Variants in GRAMD2A observed in about 807,000 individuals in gnomAD.
GRAMD2A encodes the protein GRAM domain containing 2A, also known as GRAM domain-containing protein 2A.
In GRAMD2A, 37 loss-of-function variants were observed where a neutral mutation model predicts 51.1. The observed-to-expected ratio is 0.72, with a 90% CI of 0.56 to 0.95. The LOEUF (loss-of-function observed/expected upper bound fraction) is 0.95. Ranked by LOEUF, GRAMD2A falls within the 40% of genes least tolerant of loss-of-function variation. GRAMD2A has a pLI of 0.00. For synonymous variants in GRAMD2A, 136 were observed against 157.1 expected, an observed-to-expected ratio of 0.87 and a Z score of 1.01; for missense variants, 414 against 426.9, an observed-to-expected ratio of 0.97 and a Z score of 0.27.
At chr15:72,181,113 G>A (rs1309227834) in intron 1 of GRAMD2A, among the ~76,000 whole-genome samples, 1 of 152,240 alleles carries the variant, frequency 6.6e-6, no homozygotes, top group Non-Finnish European at 1.5e-5. Flanking sequence ...GGCCAGAAGT[G>A]TGCAGCATGT....
chr15:72,183,795 A>G (rs533577415), intron 1 of GRAMD2A, among the ~76,000 whole-genome samples: 2 of 152,362 alleles, frequency 1.3e-5, no homozygotes, highest in East Asian at 3.9e-4. Context: ...AGGCCAAGTA[A>G]GAGCAGGACG....
intron 1 of GRAMD2A, among the ~76,000 whole-genome samples, chr15:72,179,476 G>T (rs117552985): frequency 0.017 from 2,558 of 152,350 alleles, 45 homozygotes; most frequent in Non-Finnish European, 0.026. Flanking sequence ...CCCGGAGACT[G>T]GCTCTAGAGC....
At position 72,170,034 on chromosome 15, in the gene GRAMD2A, C is replaced by A. The variant is rs561424947; in HGVS notation, c.42-95G>T. 4.6e-6 allele frequency: 4 copies of A among 871,582 alleles called. No homozygotes were observed. The highest frequency in any genetic ancestry group is 4.0e-6 in the Non-Finnish European group (2 of 504,566). The allele number at this position is 871,582 out of a possible 1,614,324, so 54.0% of individuals were successfully genotyped here. A position where few individuals can be genotyped will look rare whatever the true frequency, so the allele number is the denominator to read the frequency against. ...GCCCATGGCCGCTGCCTCTGGCCCC[C>A]ACCCAAGACTGGCCCTGATATTGAG... On this transcript the variant is annotated intron_variant, in intron 1 of 11. Transcript: ENST00000309731. This position sits in a 1 kb window ranked among gnomAD's most constrained non-coding sequence, Gnocchi z 4.5.
chr15:72,163,408 G>A lies in GRAMD2A; in HGVS notation c.814C>T (p.Pro272Ser). Residue 272 changes from proline to serine, a missense_variant, in exon 10 of 12, where the codon CCT (proline) becomes TCT (serine). Coordinates refer to ENST00000309731, the MANE Select transcript of GRAMD2A (RefSeq NM_001012642.3). ...RWAWPMPGWG[P>S]ACPKKMPNCS... ...TTCGGCATCTTCTTAGGGCAGGCAG[G>A]ACCCCAGCCTGGCATGGGCCATGCC... is the stretch of plus-strand genomic sequence containing the variant. 6.2e-7 allele frequency: 1 copy of A among 1,614,136 alleles called. No homozygotes were observed. Among genetic ancestry groups the A allele is most frequent in the Admixed American group, 1.7e-5 (1 of 60,022 alleles).
intron 1 of GRAMD2A, among the ~76,000 whole-genome samples, chr15:72,174,443 T>A (rs906025443): frequency 1.3e-5 from 2 of 152,208 alleles, no homozygotes; most frequent in Non-Finnish European, 2.9e-5. Context: ...CCTCCCGCTC[T>A]GTCCCATCCA....
chr15:72,177,606 T>A (rs1372313250), intron 1 of GRAMD2A, among the ~76,000 whole-genome samples: 1 of 152,262 alleles, frequency 6.6e-6, no homozygotes, highest in Non-Finnish European at 1.5e-5. Flanking sequence ...CAGTTTCCAG[T>A]TTTTGCCTCT....
Position 72,166,538 on chromosome 15 carries a change from T to G in GRAMD2A, c.543+94A>C. On this transcript the variant is annotated intron_variant, in intron 7 of 11. Coordinates refer to ENST00000309731, the MANE Select transcript of GRAMD2A (RefSeq NM_001012642.3). The surrounding 1 kb of genome is among the most constrained non-coding windows in gnomAD (Gnocchi z 4.1). ...CCTCTCCCTGCCCCATTCCCTGTGC[T>G]GGAGAGATGGGCGACCTCCCCCAAC... 2 of 880,078 alleles carry G rather than the reference T, an allele frequency of 2.3e-6. No individual in the cohort carries two copies. Among genetic ancestry groups the G allele is most frequent in the South Asian group, 1.3e-5 (1 of 75,706 alleles). 54.5% of individuals were successfully genotyped at this position (880,078 alleles called of 1,614,324 possible).
chr15:72,168,476 C>T lies in GRAMD2A; in HGVS notation c.268+15G>A, dbSNP rs375480731. ...ACTCTGGGTGCCTAACCAGCTATAC[C>T]GGGAGACAGCTCACCTTTGAGAACC... On this transcript the variant is annotated intron_variant, in intron 4 of 11. Transcript: ENST00000309731. 6.4e-5 allele frequency: 103 copies of T among 1,606,470 alleles called. No homozygotes were observed. The highest frequency in any genetic ancestry group is 5.2e-4 in the African/African-American group (39 of 74,898).
chr15:72,163,533 G>A lies in GRAMD2A; in HGVS notation c.746-57C>T, dbSNP rs1430223650. 6 of 1,598,058 alleles carry A rather than the reference G, an allele frequency of 3.8e-6. No individual in the cohort carries two copies. The Admixed American group carries it at 5.2e-5, about 14-fold the overall frequency. On this transcript the variant is annotated intron_variant, in intron 9 of 11. Transcript: ENST00000309731. ...TCTCAGAAGCCCTGCTGGCTGTGGTGAGCCCTTTTTATGGAACTGGGAAGA... is the reference window on the plus strand; with the variant it reads ...TCTCAGAAGCCCTGCTGGCTGTGGTAAGCCCTTTTTATGGAACTGGGAAGA...
intron 1 of GRAMD2A, among the ~76,000 whole-genome samples, chr15:72,185,199 T>G (rs887227969): frequency 1.6e-4 from 25 of 151,522 alleles, no homozygotes; most frequent in Non-Finnish European, 3.1e-4. Context: ...GTTTTTTTTT[T>G]TTTTTTTTTT....
chr15:72,167,164 AC>A (rs2081555681), intron 5 of GRAMD2A, 72 bp from the exon 6 acceptor site: 1 of 1,177,364 alleles, frequency 8.5e-7, no homozygotes, highest in African/African-American at 1.5e-5. Context: ...CTGCCTAGGG[AC>A]CCAGCTGTGA....
Position 72,163,634 on chromosome 15 carries a change from A to G in GRAMD2A, c.724T>C (p.Ser242Pro). 6 of 1,598,658 alleles carry G rather than the reference A, an allele frequency of 3.8e-6. No homozygotes were observed. The highest frequency in any genetic ancestry group is 5.1e-6 in the Non-Finnish European group (6 of 1,175,208). Residue 242 changes from serine (S) to proline (P), a missense_variant, in exon 9 of 12, where the codon TCC (serine) becomes CCC (proline). Coordinates refer to ENST00000309731, the MANE Select transcript of GRAMD2A (RefSeq NM_001012642.3). ...SVDSTDSFFPSRKPPMSEKSR... is the reference protein window; with the variant it reads ...SVDSTDSFFPPRKPPMSEKSR... ...TTACCAGACATTGGAGGCTTCCTGGAGGGGAAGAAACTGTCTGTGGAGTCC... is the reference window on the plus strand; with the variant it reads ...TTACCAGACATTGGAGGCTTCCTGGGGGGGAAGAAACTGTCTGTGGAGTCC...
In GRAMD2A at chr15:72,170,029, G is replaced by T. The variant is rs2140548430; in HGVS notation, c.42-90C>A. ...ACCATGCCCATGGCCGCTGCCTCTG[G>T]CCCCCACCCAAGACTGGCCCTGATA... is the stretch of plus-strand genomic sequence containing the variant. On this transcript the variant is annotated intron_variant, in intron 1 of 11. Coordinates refer to ENST00000309731, the MANE Select transcript of GRAMD2A (RefSeq NM_001012642.3). This position sits in a 1 kb window ranked among gnomAD's most constrained non-coding sequence, Gnocchi z 4.5. 1.1e-6 allele frequency: 1 copy of T among 919,328 alleles called. No individual in the cohort carries two copies. Among genetic ancestry groups the T allele is most frequent in the Non-Finnish European group, 1.8e-6 (1 of 547,862 alleles). 56.9% of individuals were successfully genotyped at this position (919,328 alleles called of 1,614,324 possible).
Position 72,163,389 on chromosome 15 carries a change from ATCT to A in GRAMD2A, c.830_832del (p.Lys277del). ...CTTTGCAGTGGGAGAGCAGTTCGGC[ATCT>A]TCTTAGGGCAGGCAGGACCCCAGCC... On this transcript the variant is annotated inframe_deletion, in exon 10 of 12. Coordinates refer to ENST00000309731, the MANE Select transcript of GRAMD2A (RefSeq NM_001012642.3). 2 of 1,614,142 alleles carry A rather than the reference ATCT, an allele frequency of 1.2e-6. No individual in the cohort carries two copies. Among genetic ancestry groups the A allele is most frequent in the South Asian group, 1.1e-5 (1 of 91,080 alleles).
At chr15:72,178,834 A>G (rs963515911) in intron 1 of GRAMD2A, among the ~76,000 whole-genome samples, 2 of 151,918 alleles carry the variant, frequency 1.3e-5, no homozygotes, top group Non-Finnish European at 2.9e-5. Context: ...TCGGCCTCCC[A>G]AAGTGCTGGG....
chr15:72,169,215 G>C, intron 2 of GRAMD2A: 1 of 585,628 alleles, frequency 1.7e-6, no homozygotes, highest in Non-Finnish European at 3.1e-6. Flanking sequence ...GTAGAGAGGG[G>C]TCGCCAAGGG....
chr15:72,180,445 G>A (rs370945379), intron 1 of GRAMD2A, among the ~76,000 whole-genome samples: 7 of 152,338 alleles, frequency 4.6e-5, no homozygotes, highest in South Asian at 2.1e-4. Flanking sequence ...CTTGGGGGCC[G>A]CCCTCCGGCC....
intron 8 of GRAMD2A, 58 bp downstream of exon 8, chr15:72,165,296 C>A (rs1402208543): frequency 4.3e-5 from 66 of 1,531,334 alleles, no homozygotes; most frequent in Non-Finnish European, 5.6e-5. Context: ...GGCCCAGAAG[C>A]CTCAGAGCTC....
intron 8 of GRAMD2A, 142 bp downstream of exon 8, chr15:72,165,212 A>T: frequency 1.4e-6 from 1 of 720,026 alleles, no homozygotes; most frequent in Non-Finnish European, 2.4e-6. Context: ...CAGGTTTAAG[A>T]GATGCCCTGG....
Sources: allele counts gnomAD v4.1 joint callset (sites outside exome capture counted in the v4.1 genomes callset), GRCh38; gene constraint gnomAD v4.1.1; non-coding constraint Gnocchi (gnomAD v3.1); transcripts MANE v1.5; gene names NCBI Gene and HGNC (gene_info 2026-07-23, HGNC 2026-07-21).